The following BNC2 variants were observed in gnomAD, a reference collection of about 807,000 sequenced individuals.
BNC2 encodes the protein zinc finger protein basonuclin-2.
Under a neutral mutation model 76.3 loss-of-function variants are expected in BNC2, and 20 were observed. That is an observed-to-expected ratio of 0.26 (90% CI 0.18 to 0.38). The LOEUF (loss-of-function observed/expected upper bound fraction) is 0.38, where lower values mean the gene tolerates loss of function less well. Among genes scored for constraint, BNC2 ranks in the 10% least tolerant of loss-of-function variants. The pLI is 1.00. For missense variants in BNC2, 1,382 were observed against 1,399.8 expected (o/e 0.99, Z 0.20); for synonymous variants, 582 against 514.8 (o/e 1.13, Z -1.77).
At chr9:16,695,995 T>A (rs1246558818) in intron 3 of BNC2, among the ~76,000 whole-genome samples, 1 of 152,186 alleles carries the variant, frequency 6.6e-6, no homozygotes, top group Non-Finnish European at 1.5e-5. Flanking sequence ...GGCTTCTCCT[T>A]ATTTCCTGAA....
chr9:16,748,922 CTATATATATATATA>C (rs34314862), intron 1 of BNC2, among the ~76,000 whole-genome samples: 1 of 130,566 alleles, frequency 7.7e-6, no homozygotes, highest in African/African-American at 3.1e-5. Context: ...ACTTTTTATA[CTATATATATATATA>C]TATATATATA....
chr9:16,846,096 C>T (rs981000287), intron 1 of BNC2, among the ~76,000 whole-genome samples: 1 of 149,702 alleles, frequency 6.7e-6, no homozygotes, highest in Non-Finnish European at 1.5e-5. Flanking sequence ...CCCCAGATCG[C>T]GCCACTGCAC....
At chr9:16,760,103 C>A (rs1205628990) in intron 1 of BNC2, among the ~76,000 whole-genome samples, 1 of 152,178 alleles carries the variant, frequency 6.6e-6, no homozygotes, top group Admixed American at 6.5e-5. Context: ...TATAATGATA[C>A]TTCCATGGGG....
rs534491832 is a variant in BNC2 at position 16,700,908 on chromosome 9, A to G, written c.330+26889T>C. 2.6e-5 allele frequency among the ~76,000 whole-genome samples: 4 copies of G among 152,254 alleles called. No individual in the cohort carries two copies. The South Asian group carries it at 8.3e-4, about 32-fold the overall frequency. On this transcript the variant is annotated intron_variant, in intron 3 of 6. Transcript: ENST00000380672. The stretch of plus-strand genomic sequence containing the variant: ...CTTGAACCTGAGATCGGGCCCCTGC[A>G]CTCTAGCCAGACTCTGTCTCAAGAA...
At chr9:16,484,496 A>C (rs75156200) in intron 5 of BNC2, among the ~76,000 whole-genome samples, 2,874 of 152,292 alleles carry the variant, frequency 0.019, 98 homozygotes, top group African/African-American at 0.065. Context: ...GTAAAACTAA[A>C]ATATTTAAAC....
chr9:16,570,389 A>C (rs981354690), intron 4 of BNC2, among the ~76,000 whole-genome samples: 11 of 152,154 alleles, frequency 7.2e-5, no homozygotes, highest in African/African-American at 2.7e-4. Context: ...CTAAATCTAT[A>C]ATCAATCTGT....
Position 16,489,042 on chromosome 9 carries a change from A to C in BNC2, c.670-51518T>G, listed in dbSNP as rs578248232. 9.1e-4 allele frequency among the ~76,000 whole-genome samples: 138 copies of C among 152,360 alleles called. 1 individual carries two copies. Among genetic ancestry groups the C allele is most frequent in the African/African-American group, 3.2e-3 (131 of 41,586 alleles). ...ATGAACTTTCTAAGTCAGTGTTGTC[A>C]AACAGAAATATGTGATCCACAGTAG... On this transcript the variant is annotated intron_variant, in intron 5 of 6. Coordinates refer to ENST00000380672, the MANE Select transcript of BNC2 (RefSeq NM_017637.6).
chr9:16,726,601 CTT>C (rs1319469645), intron 3 of BNC2, among the ~76,000 whole-genome samples: 15 of 145,156 alleles, frequency 1.0e-4, no homozygotes, highest in African/African-American at 2.0e-4. Flanking sequence ...TTTTTTTCCT[CTT>C]GAGTGGCACA....
chr9:16,857,902 C>T (rs1374068586), intron 1 of BNC2, among the ~76,000 whole-genome samples: 3 of 152,174 alleles, frequency 2.0e-5, no homozygotes, highest in Admixed American at 2.0e-4. Context: ...AGCAATATAG[C>T]TGCCTCTAAA....
chr9:16,806,033 G>A lies in BNC2; in HGVS notation c.3+64613C>T, dbSNP rs1018068523. ...AAGCAATGCCCTTAAAGAAGGAAAG[G>A]TGTGACCAAACTGAGGGAAAGTCTC... On this transcript the variant is annotated intron_variant, in intron 1 of 6. Coordinates refer to ENST00000380672, the MANE Select transcript of BNC2 (RefSeq NM_017637.6). 4.6e-5 allele frequency among the ~76,000 whole-genome samples: 7 copies of A among 152,304 alleles called. No individual in the cohort carries two copies. In the South Asian group the frequency reaches 8.3e-4, roughly 18 times the overall value.
At chr9:16,496,060 C>G (rs146010083) in intron 5 of BNC2, among the ~76,000 whole-genome samples, 1 of 151,986 alleles carries the variant, frequency 6.6e-6, no homozygotes, top group African/African-American at 2.4e-5. Context: ...AGGTGCCCAC[C>G]ACCATGCCCG....
rs190276057 is a variant in BNC2 at position 16,674,693 on chromosome 9, C to T, written c.330+53104G>A. Among the ~76,000 whole-genome samples the T allele has an allele frequency of 2.6e-5, 4 of 152,286 alleles. No individual in the cohort carries two copies. The East Asian group carries it at 7.7e-4, about 29-fold the overall frequency. The stretch of plus-strand genomic sequence containing the variant: ...TATAAACTCCTAGAGGGCAACGACC[C>T]TATCTATTCAGCTCACTTCTTATAA... On this transcript the variant is annotated intron_variant, in intron 3 of 6. Transcript: ENST00000380672.
At chr9:16,420,574 A>G (rs991434400) in intron 6 of BNC2, among the ~76,000 whole-genome samples, 3 of 152,112 alleles carry the variant, frequency 2.0e-5, no homozygotes, top group African/African-American at 4.8e-5. Context: ...CAAGCACAAC[A>G]ATAACATAGG....
At chr9:16,728,611 G>GTCT (rs1460728512) in intron 2 of BNC2, among the ~76,000 whole-genome samples, 1 of 151,194 alleles carries the variant, frequency 6.6e-6, no homozygotes, top group Admixed American at 6.6e-5. Flanking sequence ...CTCAGTTATG[G>GTCT]TCTAAATGTT....
chr9:16,598,788 C>A (rs372558889), intron 3 of BNC2, among the ~76,000 whole-genome samples: 3 of 152,168 alleles, frequency 2.0e-5, no homozygotes, highest in African/African-American at 4.8e-5. Flanking sequence ...GCTTAAGAGG[C>A]GGGCACTGGC....
chr9:16,616,572 G>C (rs1365423901), intron 3 of BNC2, among the ~76,000 whole-genome samples: 1 of 151,392 alleles, frequency 6.6e-6, no homozygotes, highest in Non-Finnish European at 1.5e-5. Flanking sequence ...CATGGTCTCA[G>C]CAACTTGGGA....
intron 3 of BNC2, among the ~76,000 whole-genome samples, chr9:16,625,358 G>A (rs960602064): frequency 2.6e-5 from 4 of 151,628 alleles, no homozygotes; most frequent in African/African-American, 4.9e-5. Context: ...CAACTGGCAG[G>A]GCCACCTGCA....
chr9:16,558,138 A>AG (rs1227446035), intron 4 of BNC2, among the ~76,000 whole-genome samples: 3 of 152,116 alleles, frequency 2.0e-5, no homozygotes, highest in Non-Finnish European at 4.4e-5. Context: ...ATGAGCCACC[A>AG]TACTCAGACA....
intron 5 of BNC2, among the ~76,000 whole-genome samples, chr9:16,533,200 T>C (rs1397679207): frequency 6.6e-6 from 1 of 152,210 alleles, no homozygotes; most frequent in Non-Finnish European, 1.5e-5. Context: ...TGGAGCATGA[T>C]TTCTGGATAT....
Sources: gnomAD v4.1 joint callset for allele counts (sites outside exome capture counted in the v4.1 genomes callset) on GRCh38, gnomAD v4.1.1 for gene constraint, MANE v1.5 for transcripts, NCBI Gene and HGNC (gene_info 2026-07-23, HGNC 2026-07-21) for gene names.